GNAQ: variants seen among roughly 807,000 people sequenced by gnomAD.
GNAQ encodes G protein subunit alpha q, also known as guanine nucleotide-binding protein G(q) subunit alpha.
In GNAQ, 8 loss-of-function variants were observed where a neutral mutation model predicts 43.9. The observed-to-expected ratio is 0.18, with a 90% CI of 0.11 to 0.33. The LOEUF is 0.33. GNAQ is among the 10% of genes least tolerant of loss of function. The probability of loss-of-function intolerance (pLI) is 1.00; values close to 1 mark genes in which losing one functional copy is unlikely to be tolerated. For missense variants in GNAQ, 158 were observed against 450.8 expected (o/e 0.35, Z 5.88); for synonymous variants, 155 against 170.7 (o/e 0.91, Z 0.71).
chr9:77,840,967 AT>A (rs1827481000), intron 2 of GNAQ, among the ~76,000 whole-genome samples: 1 of 152,072 alleles, frequency 6.6e-6, no homozygotes, highest in African/African-American at 2.4e-5. Flanking sequence ...TACAAGGAGT[AT>A]TAACTGGACT....
At chr9:78,022,111 G>A (rs1484677954) in intron 1 of GNAQ, among the ~76,000 whole-genome samples, 2 of 152,148 alleles carry the variant, frequency 1.3e-5, no homozygotes, top group Non-Finnish European at 2.9e-5. Context: ...CCCACTGCAG[G>A]GCACTCAGAG....
chr9:77,907,716 TA>T (rs1300264607), intron 2 of GNAQ, among the ~76,000 whole-genome samples: 4 of 152,196 alleles, frequency 2.6e-5, no homozygotes, highest in Non-Finnish European at 5.9e-5. Context: ...ATAATAGTGG[TA>T]TCATGTAATC....
At chr9:77,732,915 G>A (rs1825518846) in intron 5 of GNAQ, among the ~76,000 whole-genome samples, 1 of 152,204 alleles carries the variant, frequency 6.6e-6, no homozygotes. Flanking sequence ...CTTCCACAGA[G>A]AAGGGAGGAC....
At chr9:77,930,202 C>CA (rs1353734077) in intron 1 of GNAQ, among the ~76,000 whole-genome samples, 4 of 152,150 alleles carry the variant, frequency 2.6e-5, no homozygotes, top group Non-Finnish European at 5.9e-5. Flanking sequence ...TCCCCCACCT[C>CA]ACTTTTGAAA....
intron 4 of GNAQ, among the ~76,000 whole-genome samples, chr9:77,796,669 A>C (rs1050033475): frequency 5.9e-5 from 9 of 152,202 alleles, no homozygotes; most frequent in African/African-American, 1.9e-4. Flanking sequence ...TAATTAACCC[A>C]TTTTCAAAAT....
chr9:77,725,580 A>T (rs12337770), intron 6 of GNAQ, among the ~76,000 whole-genome samples: 2,854 of 23,546 alleles, frequency 0.12, 102 homozygotes, highest in African/African-American at 0.21. Context: ...AGGTAACAGT[A>T]AAAAAAAAAA....
chr9:77,865,316 TAA>T (rs1235143913), intron 2 of GNAQ, among the ~76,000 whole-genome samples: 10 of 152,208 alleles, frequency 6.6e-5, no homozygotes, highest in Non-Finnish European at 1.2e-4. Context: ...ACTATGGGAA[TAA>T]AGAGTCATTT....
At chr9:77,891,519 G>A (rs1192096902) in intron 2 of GNAQ, among the ~76,000 whole-genome samples, 1 of 152,216 alleles carries the variant, frequency 6.6e-6, no homozygotes, top group Non-Finnish European at 1.5e-5. Context: ...TTGTAAGGCT[G>A]AGGACATGTT....
At chr9:77,761,559 C>T (rs1374180607) in intron 5 of GNAQ, among the ~76,000 whole-genome samples, 854 of 139,166 alleles carry the variant, frequency 6.1e-3, no homozygotes, top group African/African-American at 0.024. Flanking sequence ...GGGGGTCAGC[C>T]CCCCGCCCGG....
At chr9:78,030,748 A>G in intron 1 of GNAQ, 1 of 357,330 alleles carries the variant, frequency 2.8e-6, no homozygotes, top group African/African-American at 2.2e-5. Context: ...CCACCTTTCC[A>G]CCCCCGCGCC....
At chr9:77,883,474 T>C (rs1274598998) in intron 2 of GNAQ, among the ~76,000 whole-genome samples, 50 of 150,902 alleles carry the variant, frequency 3.3e-4, no homozygotes, top group South Asian at 8.4e-4. Context: ...TTTTTTTTTT[T>C]CCAAACCTTA....
intron 2 of GNAQ, among the ~76,000 whole-genome samples, chr9:77,867,237 C>G (rs558197169): frequency 5.3e-5 from 8 of 152,280 alleles, no homozygotes; most frequent in Non-Finnish European, 8.8e-5. Flanking sequence ...CTCACTGGAG[C>G]CAATCAACAG....
At chr9:77,895,849 C>T (rs1828492488) in intron 2 of GNAQ, among the ~76,000 whole-genome samples, 2 of 152,118 alleles carry the variant, frequency 1.3e-5, no homozygotes, top group Admixed American at 6.6e-5. Context: ...ACAGGAGTTG[C>T]CCTGCACAAG....
chr9:77,809,465 T>C (rs1025227065), intron 3 of GNAQ, among the ~76,000 whole-genome samples: 14 of 152,188 alleles, frequency 9.2e-5, no homozygotes, highest in Non-Finnish European at 1.9e-4. Context: ...AAGCAGGTGG[T>C]GAAATCTAGG....
intron 1 of GNAQ, among the ~76,000 whole-genome samples, chr9:77,988,437 A>G (rs1481056310): frequency 6.6e-6 from 1 of 152,188 alleles, no homozygotes; most frequent in Non-Finnish European, 1.5e-5. Context: ...CTGCCAAAGG[A>G]TTTGATCTGG....
At chr9:77,979,264 G>A (rs1019596180) in intron 1 of GNAQ, among the ~76,000 whole-genome samples, 1 of 151,434 alleles carries the variant, frequency 6.6e-6, no homozygotes, top group East Asian at 1.9e-4. Context: ...GCTGAGGCTG[G>A]AGAATTGCTT....
In GNAQ at chr9:77,719,905, T is replaced by C. The variant is rs1172109001; in HGVS notation, c.*1418A>G. On this transcript the variant is annotated 3_prime_UTR_variant, in exon 7 of 7. Transcript: ENST00000286548. ...CTAATCAGTTACCAGTTCAAGAAGA[T>C]CATGAAGGTGGTAAACTAGCAGGAA... 4.3e-6 allele frequency: 1 copy of C among 232,490 alleles called. No individual in the cohort carries two copies. The highest frequency in any genetic ancestry group is 8.5e-6 in the Non-Finnish European group (1 of 117,672). The allele number at this position is 232,490 out of a possible 1,614,324, so 14.4% of individuals were successfully genotyped here. A position where few individuals can be genotyped will look rare whatever the true frequency, so the allele number is the denominator to read the frequency against.
chr9:77,726,204 C>T (rs905036668), intron 6 of GNAQ, among the ~76,000 whole-genome samples: 2 of 152,078 alleles, frequency 1.3e-5, no homozygotes, highest in African/African-American at 4.8e-5. Context: ...GATTTGTTTC[C>T]GGGCTAGTGC....
At chr9:78,028,789 T>C (rs927964853) in intron 1 of GNAQ, among the ~76,000 whole-genome samples, 3 of 152,200 alleles carry the variant, frequency 2.0e-5, no homozygotes, top group Non-Finnish European at 4.4e-5. Context: ...ATCTTCCTTG[T>C]TGAAATCAAC....
Sources: gnomAD v4.1 joint callset for allele counts (sites outside exome capture counted in the v4.1 genomes callset) on GRCh38, gnomAD v4.1.1 for gene constraint, MANE v1.5 for transcripts, NCBI Gene and HGNC (gene_info 2026-07-23, HGNC 2026-07-21) for gene names.